Variants in FAM222A observed in about 807,000 individuals in gnomAD.
FAM222A encodes the protein family with sequence similarity 222 member A.
Under a neutral mutation model 25.8 loss-of-function variants are expected in FAM222A, and 7 were observed. The ratio of observed to expected loss-of-function variants is 0.27; its 90% confidence interval spans 0.15 to 0.51. The LOEUF (loss-of-function observed/expected upper bound fraction) is 0.51. FAM222A is among the 20% of genes least tolerant of loss of function. The pLI is 0.97. For synonymous variants in FAM222A, 294 were observed against 298.8 expected (o/e 0.98, Z 0.17); for missense variants, 573 against 640.5 (o/e 0.89, Z 1.14).
chr12:109,729,671 C>A (rs1054099232), intron 1 of FAM222A, among the ~76,000 whole-genome samples: 2 of 152,272 alleles, frequency 1.3e-5, no homozygotes, highest in Non-Finnish European at 2.9e-5. Flanking sequence ...CTGGCGCATG[C>A]CCCAGCAAGG....
Position 109,769,416 on chromosome 12 carries a change from C to T in FAM222A, c.*128C>T. 7.4e-6 allele frequency: 9 copies of T among 1,222,330 alleles called. No homozygotes were observed. Among genetic ancestry groups the T allele is most frequent in the Non-Finnish European group, 1.0e-5 (9 of 902,922 alleles). The allele number at this position is 1,222,330 out of a possible 1,614,324, so 75.7% of individuals were successfully genotyped here. A position where few individuals can be genotyped will look rare whatever the true frequency, so the allele number is the denominator to read the frequency against. On this transcript the variant is annotated 3_prime_UTR_variant, in exon 3 of 3. Coordinates refer to ENST00000538780, the MANE Select transcript of FAM222A (RefSeq NM_032829.3). ...TGCCTGCTGATGCCCACAGGGGAGCCAGGCTGGCTGCCGCCTCGCTGTGGC... is the reference window on the plus strand; with the variant it reads ...TGCCTGCTGATGCCCACAGGGGAGCTAGGCTGGCTGCCGCCTCGCTGTGGC...
At chr12:109,757,990 A>C (rs1244590398) in intron 2 of FAM222A, among the ~76,000 whole-genome samples, 3 of 152,204 alleles carry the variant, frequency 2.0e-5, no homozygotes, top group African/African-American at 7.2e-5. Flanking sequence ...GGAGTGGGCA[A>C]GGGAAACTGA....
At chr12:109,761,844 T>C (rs16940546) in intron 2 of FAM222A, among the ~76,000 whole-genome samples, 23,564 of 152,010 alleles carry the variant, frequency 0.16, 2,028 homozygotes, top group East Asian at 0.31. Context: ...TCCTCTCGGC[T>C]CAGAACCTTC....
At chr12:109,718,524 G>A (rs892999307) in intron 1 of FAM222A, among the ~76,000 whole-genome samples, 1 of 151,664 alleles carries the variant, frequency 6.6e-6, no homozygotes, top group Non-Finnish European at 1.5e-5. Context: ...GAGGAGGCGC[G>A]CACAAAAGGG....
chr12:109,736,677 C>T (rs1888095260), intron 1 of FAM222A, among the ~76,000 whole-genome samples: 1 of 152,208 alleles, frequency 6.6e-6, no homozygotes, highest in South Asian at 2.1e-4. Context: ...TGGCCTGGCA[C>T]ATAGTTGGTG....
At chr12:109,733,624 C>T (rs1489595148) in intron 1 of FAM222A, among the ~76,000 whole-genome samples, 5 of 152,150 alleles carry the variant, frequency 3.3e-5, no homozygotes, top group Non-Finnish European at 7.3e-5. Context: ...AGGATGGTCT[C>T]GATCTCCTGT....
chr12:109,726,889 C>G (rs1463533287), intron 1 of FAM222A, among the ~76,000 whole-genome samples: 1 of 152,186 alleles, frequency 6.6e-6, no homozygotes, highest in African/African-American at 2.4e-5. Flanking sequence ...TGGTTGTGCA[C>G]TAGGCCCCAT....
intron 1 of FAM222A, among the ~76,000 whole-genome samples, chr12:109,725,415 C>G (rs908954002): frequency 6.8e-6 from 1 of 146,320 alleles, no homozygotes; most frequent in African/African-American, 2.5e-5. Flanking sequence ...GCTTGCTCTT[C>G]TCTCTTCTCC....
At chr12:109,755,287 C>CTTTTTTTTTTTTTTTTTTTTTTTT (rs540689300) in intron 2 of FAM222A, among the ~76,000 whole-genome samples, 1 of 49,426 alleles carries the variant, frequency 2.0e-5, no homozygotes, top group Non-Finnish European at 3.4e-5. Context: ...TGTAATTCTT[C>CTTTTTTTTTTTTTTTTTTTTTTTT]TTTTTTTTTT....
chr12:109,747,229 G>A (rs1413789573), intron 2 of FAM222A, among the ~76,000 whole-genome samples: 1 of 152,128 alleles, frequency 6.6e-6, no homozygotes, highest in East Asian at 1.9e-4. Context: ...GAATAGCTGG[G>A]ATTATAGGCA....
chr12:109,720,407 G>T (rs1405043266), intron 1 of FAM222A, among the ~76,000 whole-genome samples: 1 of 152,238 alleles, frequency 6.6e-6, no homozygotes, highest in Non-Finnish European at 1.5e-5. Context: ...CCAGGGCACG[G>T]GCAGCTGCCT....
At chr12:109,765,835 T>C (rs915123252) in intron 2 of FAM222A, among the ~76,000 whole-genome samples, 13 of 152,228 alleles carry the variant, frequency 8.5e-5, no homozygotes, top group Non-Finnish European at 1.9e-4. Context: ...CCCCTGCCCC[T>C]TTTCTGGGAG....
chr12:109,722,481 T>A (rs1592777363), intron 1 of FAM222A: 2 of 152,292 alleles, frequency 1.3e-5, no homozygotes, highest in African/African-American at 4.8e-5. Flanking sequence ...ATTGATTGAA[T>A]GAATAAATGA....
At chr12:109,767,973 G>A in intron 2 of FAM222A, 39 bp from the exon 3 acceptor site, 1 of 1,588,062 alleles carries the variant, frequency 6.3e-7, no homozygotes, top group East Asian at 2.2e-5. Context: ...GGTTGGCATG[G>A]CCTCCTGATG....
At position 109,768,811 on chromosome 12, in the gene FAM222A, A is replaced by C; in HGVS notation, c.882A>C (p.Pro294=). Residue 294 remains proline (P), a synonymous_variant, in exon 3 of 3, where the codon CCA becomes CCC. Coordinates refer to ENST00000538780, the MANE Select transcript of FAM222A (RefSeq NM_032829.3). ...DYLLWPQKPP[P]PPPQPLRAYS... is the part of the protein sequence containing the mutation. Reference sequence around the variant, plus strand: ...TGCTGTGGCCGCAGAAACCGCCCCCACCGCCGCCCCAGCCACTGCGTGCCT... The same window carrying C: ...TGCTGTGGCCGCAGAAACCGCCCCCCCCGCCGCCCCAGCCACTGCGTGCCT... 1 of 1,570,438 alleles carries C rather than the reference A, an allele frequency of 6.4e-7. No individual in the cohort carries two copies. Among genetic ancestry groups the C allele is most frequent in the Non-Finnish European group, 8.6e-7 (1 of 1,164,714 alleles).
chr12:109,730,580 T>A (rs1212647297), intron 1 of FAM222A, among the ~76,000 whole-genome samples: 1 of 152,162 alleles, frequency 6.6e-6, no homozygotes, highest in Non-Finnish European at 1.5e-5. Flanking sequence ...CAGCCTGTCC[T>A]CGGAAGGACC....
intron 2 of FAM222A, among the ~76,000 whole-genome samples, chr12:109,751,008 T>G (rs7967072): frequency 0.21 from 31,926 of 152,050 alleles, 3,596 homozygotes; most frequent in Middle Eastern, 0.26. Flanking sequence ...ATTGTGCCCT[T>G]TCAGTTTGCA....
intron 1 of FAM222A, among the ~76,000 whole-genome samples, chr12:109,730,724 G>A (rs372137959): frequency 6.6e-6 from 1 of 152,192 alleles, no homozygotes; most frequent in East Asian, 1.9e-4. Context: ...GCTCAGGCAG[G>A]GTTGGTGACT....
chr12:109,738,421 A>G (rs1263141027), intron 1 of FAM222A, among the ~76,000 whole-genome samples: 6 of 152,140 alleles, frequency 3.9e-5, no homozygotes, highest in Non-Finnish European at 7.4e-5. Context: ...TCAGGCTCCT[A>G]TCTGCCTTTG....
Sources: allele counts gnomAD v4.1 joint callset (sites outside exome capture counted in the v4.1 genomes callset), GRCh38; gene constraint gnomAD v4.1.1; transcripts MANE v1.5; gene names NCBI Gene and HGNC (gene_info 2026-07-23, HGNC 2026-07-21).